Variants in GRIA1 observed in about 807,000 individuals in gnomAD.
The protein encoded by GRIA1 is glutamate ionotropic receptor AMPA type subunit 1.
GRIA1 carries 31 observed loss-of-function variants against 99.2 expected under a neutral mutation model. The ratio of observed to expected loss-of-function variants is 0.31; its 90% CI spans 0.23 to 0.42. GRIA1 has a LOEUF of 0.42. Ranked by LOEUF, GRIA1 falls within the 10% of genes least tolerant of loss-of-function variation. GRIA1 has a pLI of 1.00. For synonymous variants in GRIA1, 438 were observed against 432.4 expected, an observed-to-expected ratio of 1.01 and a Z score of -0.16; for missense variants, 782 against 1,157.5, an observed-to-expected ratio of 0.68 and a Z score of 4.71.
intron 14 of GRIA1, chr5:153,795,674 T>C: frequency 2.6e-6 from 2 of 763,840 alleles, no homozygotes; most frequent in Non-Finnish European, 4.4e-6. Context: ...TCAGAGAGGC[T>C]TGGAGGCCTT....
intron 11 of GRIA1, among the ~76,000 whole-genome samples, chr5:153,754,937 C>T (rs1762731049): frequency 6.6e-6 from 1 of 152,164 alleles, no homozygotes; most frequent in Non-Finnish European, 1.5e-5. Context: ...ATGAGAGCTA[C>T]ATGAGGCTCT....
At chr5:153,501,675 G>C (rs1183080799) in intron 2 of GRIA1, among the ~76,000 whole-genome samples, 2 of 152,200 alleles carry the variant, frequency 1.3e-5, no homozygotes, top group Non-Finnish European at 2.9e-5. Context: ...CAATGGCCTT[G>C]TTTCTTTACT....
chr5:153,563,041 TGGCAGGCGCCTGTAATCCCAGCTCCTTG>T (rs1761279558), intron 2 of GRIA1, among the ~76,000 whole-genome samples: 1 of 152,052 alleles, frequency 6.6e-6, no homozygotes, highest in South Asian at 2.1e-4. Flanking sequence ...CTGGGCATGG[TGGCAGGCGCCTGTAATCCCAGCTCCTTG>T]GGAGGCTGAG....
chr5:153,571,872 G>A (rs1328749494), intron 2 of GRIA1, among the ~76,000 whole-genome samples: 2 of 152,196 alleles, frequency 1.3e-5, no homozygotes, highest in Non-Finnish European at 2.9e-5. Flanking sequence ...CCATGCCTCA[G>A]GTCCCCAGAG....
At chr5:153,656,822 G>T (rs1256285348) in intron 5 of GRIA1, among the ~76,000 whole-genome samples, 1 of 152,052 alleles carries the variant, frequency 6.6e-6, no homozygotes, top group Admixed American at 6.6e-5. Context: ...TCACTGCTAG[G>T]AGAAATCCCT....
chr5:153,610,423 C>A (rs185659224), intron 2 of GRIA1, among the ~76,000 whole-genome samples: 147 of 152,304 alleles, frequency 9.7e-4, no homozygotes, highest in African/African-American at 3.5e-3. Context: ...GAGGAAAACC[C>A]TACAAAGATT....
At position 153,778,175 on chromosome 5, in the gene GRIA1, CAG is replaced by C. The variant is rs1313488385; in HGVS notation, c.2270+7777_2270+7778del. The stretch of plus-strand genomic sequence containing the variant: ...CAAAGGAAGGAGGGAGGCAGAGAGA[CAG>C]AGAGAGAGAGAGAGAGTGTGTGTGT... On this transcript the variant is annotated intron_variant, in intron 13 of 15. Coordinates refer to ENST00000285900, the MANE Select transcript of GRIA1 (RefSeq NM_000827.4). Among the ~76,000 whole-genome samples, 898 of 146,180 alleles carry C rather than the reference CAG, an allele frequency of 6.1e-3. 14 individuals carry two copies. The highest frequency in any genetic ancestry group is 0.021 in the African/African-American group (809 of 39,286).
rs530412703 is a variant in GRIA1, at chr5:153,490,871, G to A, written c.-18G>A. ...ATGATTGGACCTGGGCTTCTTTTTC[G>A]CCAATGCAAAAAGGAATATGCAGCA... On this transcript the variant is annotated 5_prime_UTR_variant, in exon 1 of 16. Transcript: ENST00000285900. 6.2e-6 allele frequency: 10 copies of A among 1,602,222 alleles called. No homozygotes were observed. Among genetic ancestry groups the A allele is most frequent in the African/African-American group, 1.3e-5 (1 of 74,786 alleles).
chr5:153,702,276 C>A (rs549082676), intron 10 of GRIA1, among the ~76,000 whole-genome samples: 1 of 152,350 alleles, frequency 6.6e-6, no homozygotes, highest in South Asian at 2.1e-4. Flanking sequence ...GTGCCTCCTT[C>A]ACAGCTGTCT....
At chr5:153,618,328 A>G (rs972975322) in intron 2 of GRIA1, among the ~76,000 whole-genome samples, 5 of 152,252 alleles carry the variant, frequency 3.3e-5, no homozygotes, top group Non-Finnish European at 2.9e-5. Context: ...GTCTAAATAC[A>G]GAATAAAGTT....
In GRIA1 at chr5:153,490,741, C is replaced by A; in HGVS notation, c.-148C>A. ...CGGATTCCAAGGGAAACAGACAAAC[C>A]TCACGAAAGGAAGGAAGCAAGCAAG... On this transcript the variant is annotated 5_prime_UTR_variant, in exon 1 of 16. Transcript: ENST00000285900. 2 of 729,094 alleles carry A rather than the reference C, an allele frequency of 2.7e-6. 1 individual carries two copies. Among genetic ancestry groups the A allele is most frequent in the South Asian group, 3.2e-5 (2 of 62,956 alleles). 45.2% of individuals were successfully genotyped at this position (729,094 alleles called of 1,614,324 possible). A position where few individuals can be genotyped will look rare whatever the true frequency, so the allele number is the denominator to read the frequency against.
intron 1 of GRIA1, among the ~76,000 whole-genome samples, chr5:153,493,438 G>A (rs1400523952): frequency 2.0e-5 from 3 of 152,206 alleles, no homozygotes. Flanking sequence ...TATAGTAGTG[G>A]AGAAGCCCAC....
chr5:153,584,320 G>T (rs1208820174), intron 2 of GRIA1, among the ~76,000 whole-genome samples: 1 of 152,174 alleles, frequency 6.6e-6, no homozygotes, highest in South Asian at 2.1e-4. Context: ...TTAGCATGTG[G>T]GTGGGTTCTT....
intron 2 of GRIA1, among the ~76,000 whole-genome samples, chr5:153,538,122 A>C (rs1360705022): frequency 6.6e-6 from 1 of 152,226 alleles, no homozygotes; most frequent in African/African-American, 2.4e-5. Context: ...AATTGATGGC[A>C]TAGACTCAAC....
chr5:153,533,764 G>A (rs1289953498), intron 2 of GRIA1, among the ~76,000 whole-genome samples: 1 of 152,196 alleles, frequency 6.6e-6, no homozygotes, highest in Non-Finnish European at 1.5e-5. Context: ...TGGCTAGAAG[G>A]TTATGAGAAT....
At chr5:153,673,986 G>A (rs904483338) in intron 5 of GRIA1, among the ~76,000 whole-genome samples, 2 of 152,210 alleles carry the variant, frequency 1.3e-5, no homozygotes, top group Non-Finnish European at 2.9e-5. Flanking sequence ...GTGTCCTTGG[G>A]TAACTCATAG....
chr5:153,808,827 G>A (rs1021513766), intron 15 of GRIA1, among the ~76,000 whole-genome samples: 19 of 152,362 alleles, frequency 1.2e-4, no homozygotes, highest in African/African-American at 3.8e-4. Flanking sequence ...AGGGTATGGA[G>A]TCATTGACTT....
intron 11 of GRIA1, 41 bp downstream of exon 11, chr5:153,706,108 TTTTGTTTG>T (rs140268951): frequency 3.7e-4 from 504 of 1,349,146 alleles, no homozygotes; most frequent in Admixed American, 6.2e-4. Flanking sequence ...AATGCTATGG[TTTTGTTTG>T]TTTGTTTGTT....
chr5:153,715,715 C>G (rs1759620666), intron 11 of GRIA1, among the ~76,000 whole-genome samples: 1 of 152,144 alleles, frequency 6.6e-6, no homozygotes, highest in Non-Finnish European at 1.5e-5. Context: ...ATCTTCAACC[C>G]TGCACTATAG....
Sources: gnomAD v4.1 joint callset for allele counts (sites outside exome capture counted in the v4.1 genomes callset) on GRCh38, gnomAD v4.1.1 for gene constraint, MANE v1.5 for transcripts, NCBI Gene and HGNC (gene_info 2026-07-23, HGNC 2026-07-21) for gene names.